Variants in ATPSCKMT observed in about 807,000 individuals in gnomAD.
ATPSCKMT encodes the protein ATP synthase c subunit lysine N-methyltransferase.
In ATPSCKMT, 24 loss-of-function variants were observed where a neutral mutation model predicts 24.3. The ratio of observed to expected loss-of-function variants is 0.99; its 90% CI spans 0.71 to 1.39. The LOEUF (loss-of-function observed/expected upper bound fraction) is 1.39. Ranked by LOEUF, ATPSCKMT falls within the 40% of genes most tolerant of loss-of-function variation. ATPSCKMT has a pLI of 0.00. For synonymous variants in ATPSCKMT, 95 were observed against 110.5 expected (o/e 0.86, Z 0.88); for missense variants, 311 against 298.4 (o/e 1.04, Z -0.31).
intron 4 of ATPSCKMT, among the ~76,000 whole-genome samples, chr5:10,229,558 T>G (rs2126419751): frequency 6.6e-6 from 1 of 152,160 alleles, no homozygotes; most frequent in South Asian, 2.1e-4. Flanking sequence ...GGGAGATGCT[T>G]TGGGATGATG....
chr5:10,244,958 C>T (rs1161857888), intron 1 of ATPSCKMT, among the ~76,000 whole-genome samples: 1 of 151,402 alleles, frequency 6.6e-6, no homozygotes, highest in Non-Finnish European at 1.5e-5. Flanking sequence ...ATGTGTCATG[C>T]CCTCTGTAAA....
chr5:10,228,818 T>G (rs1386441003), intron 4 of ATPSCKMT, among the ~76,000 whole-genome samples: 2 of 152,040 alleles, frequency 1.3e-5, no homozygotes, highest in Non-Finnish European at 2.9e-5. Context: ...TTTGTAGAGA[T>G]GGGGTTTTAC....
chr5:10,248,631 C>G (rs1745080462), intron 1 of ATPSCKMT: 1 of 152,292 alleles, frequency 6.6e-6, no homozygotes, highest in Admixed American at 6.5e-5. Flanking sequence ...GCACTGTAAA[C>G]TGAACTCCTG....
Position 10,249,838 on chromosome 5 carries a change from C to A in ATPSCKMT, c.16+20G>T, listed in dbSNP as rs200535921. 8.3e-6 allele frequency: 13 copies of A among 1,564,506 alleles called. No individual in the cohort carries two copies. The highest frequency in any genetic ancestry group is 1.1e-5 in the Non-Finnish European group (13 of 1,160,638). ...CCCTTCTCATGCCCCCAGGAACCCG[C>A]CAAGCCGCTCCAGCCTCACCTCCTC... On this transcript the variant is annotated intron_variant, in intron 1 of 4. Coordinates refer to ENST00000511437, the MANE Select transcript of ATPSCKMT (RefSeq NM_199133.4).
intron 1 of ATPSCKMT, among the ~76,000 whole-genome samples, chr5:10,241,714 T>G (rs1177909011): frequency 6.6e-6 from 1 of 152,216 alleles, no homozygotes; most frequent in Non-Finnish European, 1.5e-5. Context: ...AGTTATAATT[T>G]TGGCATTTTA....
At chr5:10,241,875 G>A (rs1335524001) in intron 1 of ATPSCKMT, among the ~76,000 whole-genome samples, 1 of 152,110 alleles carries the variant, frequency 6.6e-6, no homozygotes, top group Non-Finnish European at 1.5e-5. Context: ...TATTAAGTGT[G>A]CAATTGCACT....
intron 1 of ATPSCKMT, chr5:10,249,530 G>T: frequency 2.8e-6 from 1 of 354,504 alleles, no homozygotes. Context: ...CCACAGCTAG[G>T]AAGAGCGGCA....
chr5:10,232,273 G>T (rs934371021), intron 4 of ATPSCKMT, among the ~76,000 whole-genome samples: 2 of 152,232 alleles, frequency 1.3e-5, no homozygotes, highest in Non-Finnish European at 2.9e-5. Flanking sequence ...AGTTATGAAA[G>T]TAGATAGCTT....
chr5:10,242,547 T>C (rs1744693645), intron 1 of ATPSCKMT, among the ~76,000 whole-genome samples: 1 of 152,206 alleles, frequency 6.6e-6, no homozygotes. Context: ...TCCATGAGGA[T>C]TGAAATCAAC....
chr5:10,245,150 G>A (rs1744845567), intron 1 of ATPSCKMT, among the ~76,000 whole-genome samples: 1 of 152,188 alleles, frequency 6.6e-6, no homozygotes, highest in Non-Finnish European at 1.5e-5. Flanking sequence ...GCTGGGCATG[G>A]TGGCTCACGC....
chr5:10,249,136 T>C (rs1745141243), intron 1 of ATPSCKMT, among the ~76,000 whole-genome samples: 6 of 151,644 alleles, frequency 4.0e-5, no homozygotes, highest in Admixed American at 3.9e-4. Flanking sequence ...AGCGTGGTGG[T>C]TCTGTGCCTG....
intron 2 of ATPSCKMT, chr5:10,236,985 G>T: frequency 7.6e-7 from 1 of 1,311,596 alleles, no homozygotes; most frequent in Non-Finnish European, 1.0e-6. Flanking sequence ...GCAGTGAAAT[G>T]AAAGTGTCTG....
At position 10,225,578 on chromosome 5, in the gene ATPSCKMT, G is replaced by A. The variant is rs894338227; in HGVS notation, c.*1863C>T. Among the ~76,000 whole-genome samples the A allele has an allele frequency of 1.1e-4, 16 of 152,022 alleles. No homozygotes were observed. The highest frequency in any genetic ancestry group is 9.8e-4 in the Admixed American group (15 of 15,264). On this transcript the variant is annotated 3_prime_UTR_variant, in exon 5 of 5. Transcript: ENST00000511437. Reference sequence around the variant, plus strand: ...GGAATATCTTACGTGAATGGTAGTAGGCAAAAAGAGCTTGTGCAGGAAAAC... The same window carrying A: ...GGAATATCTTACGTGAATGGTAGTAAGCAAAAAGAGCTTGTGCAGGAAAAC...
rs1448779173 is a variant in ATPSCKMT, at chr5:10,227,276, TCTAC to T, written c.*161_*164del. 24 of 714,084 alleles carry T rather than the reference TCTAC, an allele frequency of 3.4e-5. No homozygotes were observed. The Admixed American group carries it at 5.1e-4, about 15-fold the overall frequency. The allele number at this position is 714,084 out of a possible 1,614,324, so 44.2% of individuals were successfully genotyped here. ...AATAGCATCAAAAGCAGATTTTAAA[TCTAC>T]CTGTTTTTCTTCGTTTGTTTTCTCC... On this transcript the variant is annotated 3_prime_UTR_variant, in exon 5 of 5. Transcript: ENST00000511437.
chr5:10,245,891 T>G (rs959951432), intron 1 of ATPSCKMT, among the ~76,000 whole-genome samples: 1 of 152,240 alleles, frequency 6.6e-6, no homozygotes, highest in Admixed American at 6.5e-5. Flanking sequence ...TACTATCATA[T>G]GCAAGGAGGG....
chr5:10,236,579 C>A lies in ATPSCKMT; in HGVS notation c.343G>T (p.Gly115Cys). The A allele has an allele frequency of 6.2e-7, 1 of 1,614,184 alleles. No individual in the cohort carries two copies. Among genetic ancestry groups the A allele is most frequent in the African/African-American group, 1.3e-5 (1 of 75,042 alleles). Residue 115 changes from glycine (G) to cysteine (C), a missense_variant, in exon 3 of 5, where the codon GGT becomes TGT. Transcript: ENST00000511437. ...AAAKKGFTAV[G>C]YELNPWLVWY... ...ACTAGCCATGGGTTTAATTCATAAC[C>A]AACTGCTGTGAACCCTTTCTTCGCA...
intron 1 of ATPSCKMT, among the ~76,000 whole-genome samples, chr5:10,247,316 T>G (rs1579436347): frequency 6.6e-6 from 1 of 152,366 alleles, no homozygotes; most frequent in East Asian, 1.9e-4. Context: ...ATATAGGAAC[T>G]ACATTGTTAG....
chr5:10,236,667 A>T (rs1744389695), intron 2 of ATPSCKMT, 52 bp from the exon 3 acceptor site: 2 of 1,597,090 alleles, frequency 1.3e-6, no homozygotes, highest in South Asian at 1.1e-5. Context: ...ATGAACATAC[A>T]TGGTCAAACA....
At chr5:10,234,301 C>T (rs1002358256) in intron 4 of ATPSCKMT, among the ~76,000 whole-genome samples, 3 of 152,000 alleles carry the variant, frequency 2.0e-5, no homozygotes, top group Non-Finnish European at 4.4e-5. Flanking sequence ...GCACTCCAGC[C>T]TGGGCAACAG....
Sources: gnomAD v4.1 joint callset for allele counts (sites outside exome capture counted in the v4.1 genomes callset) on GRCh38, gnomAD v4.1.1 for gene constraint, MANE v1.5 for transcripts, NCBI Gene and HGNC (gene_info 2026-07-23, HGNC 2026-07-21) for gene names.